C10orf90: variants seen among roughly 807,000 people sequenced by gnomAD.
C10orf90 encodes the protein chromosome 10 open reading frame 90, also known as (E2-independent) E3 ubiquitin-conjugating enzyme FATS.
A neutral mutation model predicts 62.5 loss-of-function variants in C10orf90; 56 were observed. The observed-to-expected ratio is 0.90, with a 90% CI of 0.72 to 1.12. The LOEUF is 1.12. Among genes scored for constraint, C10orf90 ranks in the 50% most tolerant of loss-of-function variants. C10orf90 has a pLI of 0.00. For synonymous variants in C10orf90, 386 were observed against 340.4 expected (o/e 1.13, Z -1.47); for missense variants, 970 against 880.4 (o/e 1.10, Z -1.29).
intron 1 of C10orf90, among the ~76,000 whole-genome samples, chr10:126,668,613 CA>C (rs1564917616): frequency 6.6e-6 from 1 of 152,170 alleles, no homozygotes; most frequent in African/African-American, 2.4e-5. Context: ...TTCAGAGGGA[CA>C]GGGGGTGCAA....
At chr10:126,506,734 T>A (rs1862755404) in intron 3 of C10orf90, among the ~76,000 whole-genome samples, 3 of 152,170 alleles carry the variant, frequency 2.0e-5, no homozygotes, top group African/African-American at 7.2e-5. Flanking sequence ...AGACAACACA[T>A]TTTGGAGAGG....
Position 126,548,642 on chromosome 10 carries a change from G to A in C10orf90, c.314-34703C>T, listed in dbSNP as rs576117770. On this transcript the variant is annotated intron_variant, in intron 2 of 9. Coordinates refer to ENST00000488181, the MANE Select transcript of C10orf90 (RefSeq NM_001350921.2). ...GGCCTCCCAAAGTGCTGGGATTACA[G>A]GCATGAGCCACTGCGCCCGGCCGCA... Among the ~76,000 whole-genome samples the A allele has an allele frequency of 3.0e-3, 453 of 152,226 alleles. 5 individuals carry two copies. Among genetic ancestry groups the A allele is most frequent in the Middle Eastern group, 3.4e-3 (1 of 294 alleles).
intron 2 of C10orf90, among the ~76,000 whole-genome samples, chr10:126,569,088 C>T (rs905717692): frequency 1.3e-5 from 2 of 152,072 alleles, no homozygotes; most frequent in Non-Finnish European, 2.9e-5. Context: ...AAGTCAGGCT[C>T]TTCAAGAAGG....
chr10:126,491,052 T>C (rs1328420684), intron 4 of C10orf90, among the ~76,000 whole-genome samples: 3 of 152,180 alleles, frequency 2.0e-5, no homozygotes, highest in African/African-American at 7.2e-5. Flanking sequence ...TTTTTAAAAA[T>C]CTGTATCAGT....
chr10:126,505,162 C>T (rs1591032127), intron 3 of C10orf90, 77 bp from the exon 4 acceptor site: 1 of 1,446,624 alleles, frequency 6.9e-7, no homozygotes, highest in Non-Finnish European at 9.3e-7. Context: ...CAAGGGCCAC[C>T]AGGATGCCAG....
At chr10:126,480,097 T>C (rs552897085) in intron 4 of C10orf90, among the ~76,000 whole-genome samples, 1 of 152,340 alleles carries the variant, frequency 6.6e-6, no homozygotes, top group East Asian at 1.9e-4. Flanking sequence ...GGGAAGAATA[T>C]TTTTAAAAAG....
At chr10:126,471,170 C>A (rs1000259743) in intron 4 of C10orf90, among the ~76,000 whole-genome samples, 1 of 152,148 alleles carries the variant, frequency 6.6e-6, no homozygotes, top group Non-Finnish European at 1.5e-5. Flanking sequence ...AAAAGCAGAG[C>A]TGGAGCTGGC....
chr10:126,558,368 A>G (rs1864824964), intron 2 of C10orf90, among the ~76,000 whole-genome samples: 1 of 152,138 alleles, frequency 6.6e-6, no homozygotes. Context: ...CAAACCCCGA[A>G]GCATGACATA....
intron 2 of C10orf90, among the ~76,000 whole-genome samples, chr10:126,588,861 G>A (rs140959260): frequency 4.3e-4 from 66 of 152,296 alleles, no homozygotes; most frequent in African/African-American, 1.6e-3. Flanking sequence ...ACAGATGGCT[G>A]AACTGACAGA....
intron 2 of C10orf90, among the ~76,000 whole-genome samples, chr10:126,645,158 G>T (rs11245076): frequency 0.39 from 58,963 of 149,458 alleles, 12,761 homozygotes; most frequent in Non-Finnish European, 0.47. Context: ...TATACCTAAT[G>T]CTAGATGACG....
Position 126,496,691 on chromosome 10 carries a change from C to T in C10orf90, c.1534+7266G>A, listed in dbSNP as rs565334971. On this transcript the variant is annotated intron_variant, in intron 4 of 9. Transcript: ENST00000488181. ...GGTGAGTCTTTCATCGCTCCTCACC[C>T]TTTCCTTGCCAGAGAGGTTTTGAAT... 5.1e-6 allele frequency: 5 copies of T among 985,438 alleles called. No individual in the cohort carries two copies. The African/African-American group carries it at 8.7e-5, about 17-fold the overall frequency. 61.0% of individuals were successfully genotyped at this position (985,438 alleles called of 1,614,324 possible).
At chr10:126,624,594 A>G (rs765115010) in intron 2 of C10orf90, among the ~76,000 whole-genome samples, 5 of 152,208 alleles carry the variant, frequency 3.3e-5, no homozygotes, top group Non-Finnish European at 5.9e-5. Context: ...GTAGAGAGTT[A>G]GAAATGGTTC....
rs138109031 is a variant in C10orf90 at position 126,642,254 on chromosome 10, T to C, written c.313+4311A>G. On this transcript the variant is annotated intron_variant, in intron 2 of 9. Coordinates refer to ENST00000488181, the MANE Select transcript of C10orf90 (RefSeq NM_001350921.2). ...CGTACTTCAATTTAAAAGACAAGGC[T>C]GGGTGCGGTGGCTCACGCTTGTAAT... 3.8e-3 allele frequency among the ~76,000 whole-genome samples: 574 copies of C among 152,242 alleles called. 1 individual carries two copies. The highest frequency in any genetic ancestry group is 0.01 in the African/African-American group (434 of 41,552).
Position 126,461,463 on chromosome 10 carries a change from G to C in C10orf90, c.1948C>G (p.Pro650Ala). ...SPAPRDGAGS[P>A]GLSEDCSESQ... ...TCAGAACAGTCTTCGGACAGGCCAG[G>C]GCTCCCTGCTCCATCGCGGGGTGCT... The change falls in exon 6 of 10, where the codon CCT (proline) becomes GCT (alanine). Residue 650 changes from proline (P) to alanine (A), a missense_variant. By Grantham distance (27) the Pro-to-Ala change is conservative (BLOSUM62 -1). Coordinates refer to ENST00000488181, the MANE Select transcript of C10orf90 (RefSeq NM_001350921.2). 1 of 1,614,152 alleles carries C rather than the reference G, an allele frequency of 6.2e-7. No homozygotes were observed. Among genetic ancestry groups the C allele is most frequent in the Non-Finnish European group, 8.5e-7 (1 of 1,180,016 alleles).
At chr10:126,630,359 C>T (rs999901031) in intron 2 of C10orf90, among the ~76,000 whole-genome samples, 4 of 152,008 alleles carry the variant, frequency 2.6e-5, no homozygotes, top group Non-Finnish European at 5.9e-5. Context: ...TGGTTGAGCT[C>T]ATGGGGGTTG....
At chr10:126,668,982 T>C (rs1005579616) in intron 1 of C10orf90, among the ~76,000 whole-genome samples, 4 of 150,424 alleles carry the variant, frequency 2.7e-5, no homozygotes, top group Non-Finnish European at 5.9e-5. Context: ...ATTTGCTACA[T>C]AGGGTTTAAA....
At chr10:126,571,824 CA>C (rs1844512668) in intron 2 of C10orf90, among the ~76,000 whole-genome samples, 1 of 152,078 alleles carries the variant, frequency 6.6e-6, no homozygotes, top group South Asian at 2.1e-4. Flanking sequence ...GACCTCAGGC[CA>C]CTGGCTACCA....
At chr10:126,642,735 C>A (rs1011406450) in intron 2 of C10orf90, among the ~76,000 whole-genome samples, 6 of 152,080 alleles carry the variant, frequency 3.9e-5, no homozygotes, top group Middle Eastern at 3.2e-3. Context: ...GATTTACAAC[C>A]CTGACCTGTC....
At chr10:126,448,040 TTTTG>T (rs1564798738) in intron 7 of C10orf90, among the ~76,000 whole-genome samples, 1 of 143,584 alleles carries the variant, frequency 7.0e-6, no homozygotes, top group Admixed American at 6.9e-5. Context: ...TTTTTTTTTT[TTTTG>T]TATTTTTAGT....
Sources: gnomAD v4.1 joint callset for allele counts (sites outside exome capture counted in the v4.1 genomes callset) on GRCh38, gnomAD v4.1.1 for gene constraint, MANE v1.5 for transcripts, NCBI Gene and HGNC (gene_info 2026-07-23, HGNC 2026-07-21) for gene names.